Variants in DAB1 observed in about 807,000 individuals in gnomAD.
The protein encoded by DAB1 is DAB adaptor protein 1, also known as disabled homolog 1.
In DAB1, 15 loss-of-function variants were observed where a neutral mutation model predicts 64.6. That is an observed-to-expected ratio of 0.23 (90% CI 0.16 to 0.36). The LOEUF is 0.36. DAB1 is among the 10% of genes least tolerant of loss of function. DAB1 has a pLI of 1.00. For missense variants in DAB1, 596 were observed against 706.7 expected (o/e 0.84, Z 1.78); for synonymous variants, 235 against 251.9 (o/e 0.93, Z 0.64).
rs1446341700 is a variant in DAB1, at chr1:57,318,984, C to A, written c.-136-27818G>T. On this transcript the variant is annotated intron_variant, in intron 1 of 14. Coordinates refer to ENST00000371236, the MANE Select transcript of DAB1 (RefSeq NM_001365792.1). The stretch of plus-strand genomic sequence containing the variant: ...CATGTCCACCTGTTTTGCTTTTGTT[C>A]CCCATTTCCTAACCTGTGCCCTCTA... Among the ~76,000 whole-genome samples the A allele has an allele frequency of 2.6e-5, 4 of 152,104 alleles. No homozygotes were observed. In the East Asian group the frequency reaches 7.7e-4, roughly 29 times the overall value.
At chr1:58,470,719 G>T (rs1057247932) in intron 3 of DAB1, among the ~76,000 whole-genome samples, 10 of 152,122 alleles carry the variant, frequency 6.6e-5, no homozygotes, top group Non-Finnish European at 2.9e-5. Flanking sequence ...CACGCAGTCC[G>T]TCTTCCTGAC....
At chr1:58,332,286 T>C (rs894962295) in intron 4 of DAB1, among the ~76,000 whole-genome samples, 43 of 152,294 alleles carry the variant, frequency 2.8e-4, no homozygotes, top group Non-Finnish European at 4.4e-5. Context: ...TGTTCCCATC[T>C]TGCTTCTCTG....
intron 7 of DAB1, among the ~76,000 whole-genome samples, chr1:57,523,452 C>T (rs184600989): frequency 1.2e-3 from 185 of 152,314 alleles, no homozygotes; most frequent in African/African-American, 4.3e-3. Flanking sequence ...TGTATATGAA[C>T]AAACAGCCAA....
chr1:57,093,931 T>C (rs1653918040), intron 4 of DAB1, among the ~76,000 whole-genome samples: 1 of 151,954 alleles, frequency 6.6e-6, no homozygotes, highest in African/African-American at 2.4e-5. Context: ...CTGGACAACA[T>C]GGAGAAACCC....
At chr1:58,274,595 C>A (rs1372227779) in intron 4 of DAB1, among the ~76,000 whole-genome samples, 13 of 150,720 alleles carry the variant, frequency 8.6e-5, no homozygotes, top group Admixed American at 8.6e-4. Context: ...GCGGGCGCCC[C>A]TCCCCCAGCC....
At chr1:57,739,712 C>G (rs1647887737) in intron 6 of DAB1, among the ~76,000 whole-genome samples, 1 of 150,994 alleles carries the variant, frequency 6.6e-6, no homozygotes, top group Non-Finnish European at 1.5e-5. Flanking sequence ...CTCGGCCTCC[C>G]AAAGTGCTGG....
intron 5 of DAB1, among the ~76,000 whole-genome samples, chr1:58,067,643 T>G (rs553918048): frequency 5.9e-5 from 9 of 152,356 alleles, no homozygotes; most frequent in Admixed American, 2.6e-4. Flanking sequence ...CTATATTATT[T>G]TGTTAGGAAC....
chr1:57,987,045 G>T (rs1646236427), intron 5 of DAB1, among the ~76,000 whole-genome samples: 1 of 152,146 alleles, frequency 6.6e-6, no homozygotes, highest in Non-Finnish European at 1.5e-5. Context: ...TGACCCCAGG[G>T]CCCATGCACT....
At chr1:57,654,200 A>G (rs1646289327) in intron 6 of DAB1, among the ~76,000 whole-genome samples, 1 of 152,182 alleles carries the variant, frequency 6.6e-6, no homozygotes, top group Non-Finnish European at 1.5e-5. Flanking sequence ...GGGAGACAAC[A>G]CACACCAAAA....
intron 1 of DAB1, among the ~76,000 whole-genome samples, chr1:57,853,343 A>G (rs900120230): frequency 2.6e-5 from 4 of 152,182 alleles, no homozygotes; most frequent in African/African-American, 9.6e-5. Flanking sequence ...TAAGTTGGTG[A>G]TATACTGAAG....
intron 3 of DAB1, among the ~76,000 whole-genome samples, chr1:58,411,945 T>G (rs1005316791): frequency 5.3e-5 from 8 of 152,186 alleles, no homozygotes; most frequent in Admixed American, 3.3e-4. Flanking sequence ...GGTAGCAGAA[T>G]CCCTCTTTTC....
chr1:57,788,771 A>C (rs754291414), intron 6 of DAB1, among the ~76,000 whole-genome samples: 45 of 152,162 alleles, frequency 3.0e-4, no homozygotes, highest in Non-Finnish European at 6.3e-4. Flanking sequence ...TACTTCATAG[A>C]GTACACATGT....
chr1:57,228,988 A>G (rs1667472425), intron 2 of DAB1, among the ~76,000 whole-genome samples: 1 of 152,226 alleles, frequency 6.6e-6, no homozygotes, highest in South Asian at 2.1e-4. Flanking sequence ...AGATATGTCT[A>G]TGTTCAGTGT....
chr1:57,264,698 C>CT (rs1670454869), intron 2 of DAB1, among the ~76,000 whole-genome samples: 1 of 152,078 alleles, frequency 6.6e-6, no homozygotes, highest in Non-Finnish European at 1.5e-5. Context: ...GTGATCTCCC[C>CT]ACCCTCCCAG....
chr1:57,935,647 G>T (rs1645014308), intron 5 of DAB1, among the ~76,000 whole-genome samples: 1 of 152,144 alleles, frequency 6.6e-6, no homozygotes, highest in Non-Finnish European at 1.5e-5. Flanking sequence ...TGAGGAAAGA[G>T]AGTCACAAAG....
chr1:57,622,924 A>T (rs1645878194), intron 7 of DAB1, among the ~76,000 whole-genome samples: 1 of 152,230 alleles, frequency 6.6e-6, no homozygotes. Flanking sequence ...AAGGCCAGCC[A>T]GAAGTTGTGC....
intron 5 of DAB1, among the ~76,000 whole-genome samples, chr1:58,145,563 C>A (rs1654545241): frequency 6.6e-6 from 1 of 152,158 alleles, no homozygotes; most frequent in Non-Finnish European, 1.5e-5. Flanking sequence ...AGGCATATTG[C>A]TAAATACTAC....
Position 57,118,394 on chromosome 1 carries a change from A to T in DAB1, c.306+18149T>A, listed in dbSNP as rs59580732. ...GACACAACATGTATTAAGACACAAC[A>T]TATACTAGCATATCCCAGTTAAGGT... On this transcript the variant is annotated intron_variant, in intron 4 of 14. Transcript: ENST00000371236. Among the ~76,000 whole-genome samples, 795 of 152,340 alleles carry T rather than the reference A, an allele frequency of 5.2e-3. 9 individuals are homozygous for T. Among genetic ancestry groups the T allele is most frequent in the African/African-American group, 0.018 (750 of 41,588 alleles).
chr1:57,090,494 A>T (rs1653552243), intron 4 of DAB1, among the ~76,000 whole-genome samples: 1 of 152,136 alleles, frequency 6.6e-6, no homozygotes, highest in African/African-American at 2.4e-5. Flanking sequence ...AGTGCCCCCT[A>T]CCTGTCTGAT....
Sources: gnomAD v4.1 joint callset for allele counts (sites outside exome capture counted in the v4.1 genomes callset) on GRCh38, gnomAD v4.1.1 for gene constraint, MANE v1.5 for transcripts, NCBI Gene and HGNC (gene_info 2026-07-23, HGNC 2026-07-21) for gene names.